The following NRDE2 variants were observed in gnomAD, a reference collection of about 807,000 sequenced individuals.
NRDE2 encodes the protein NRDE-2, necessary for RNA interference, domain containing.
NRDE2 carries 76 observed loss-of-function variants against 124.2 expected under a neutral mutation model. The observed-to-expected ratio is 0.61, with a 90% CI of 0.51 to 0.74. The LOEUF is 0.74. Ranked by LOEUF, NRDE2 falls within the 30% of genes least tolerant of loss-of-function variation. The pLI, the probability that NRDE2 is intolerant of heterozygous loss-of-function variation, is 0.00. For synonymous variants in NRDE2, 489 were observed against 528.1 expected, an observed-to-expected ratio of 0.93 and a Z score of 1.01; for missense variants, 1,314 against 1,417.3, an observed-to-expected ratio of 0.93 and a Z score of 1.17.
chr14:90,290,593 A>G lies in NRDE2; in HGVS notation c.1857T>C (p.Asp619=), dbSNP rs753013630. 4.4e-5 allele frequency: 71 copies of G among 1,605,772 alleles called. No homozygotes were observed. In the East Asian group the frequency reaches 1.6e-3, roughly 36 times the overall value. ...EDPERQVLFD[D]IGQSLIRLSS... The stretch of plus-strand genomic sequence containing the variant: ...AAAGTCTGATCAAAGATTGCCCAAT[A>G]TCATCAAACAACACCTGCAACAAAG... The change falls in exon 10 of 14, where the codon GAT becomes GAC. Residue 619 remains aspartate (D), a synonymous_variant. Coordinates refer to ENST00000354366, the MANE Select transcript of NRDE2 (RefSeq NM_017970.4).
At position 90,288,661 on chromosome 14, in the gene NRDE2, C is replaced by T; in HGVS notation, c.2714G>A (p.Ser905Asn). The change falls in exon 11 of 14, where the codon AGC becomes AAC. Residue 905 changes from serine to asparagine, a missense_variant. Ser to Asn is a conservative substitution (Grantham distance 46). Coordinates refer to ENST00000354366, the MANE Select transcript of NRDE2 (RefSeq NM_017970.4). ...GAAGAGCATGAAGCATTTAGCCAGG[C>T]TAATTAGGCGGCTACAGGAATCGGT... ...APTDSCSRLI[S>N]LAKCFMLFQY... 6.2e-7 allele frequency: 1 copy of T among 1,614,156 alleles called. No homozygotes were observed. Among genetic ancestry groups the T allele is most frequent in the Admixed American group, 1.7e-5 (1 of 60,026 alleles).
chr14:90,309,472 CAAAA>C (rs746289824), intron 4 of NRDE2, among the ~76,000 whole-genome samples: 1 of 110,752 alleles, frequency 9.0e-6, no homozygotes, highest in African/African-American at 3.6e-5. Context: ...GACTCTGTCT[CAAAA>C]AAAAAAAAAA....
Position 90,270,373 on chromosome 14 carries a change from G to A in NRDE2, c.*7963C>T. ...TCAAGGTGAGAGCCTAGCCGTGTCA[G>A]CTTATTTCTGGGAATGTGGCCGTCA... On this transcript the variant is annotated 3_prime_UTR_variant, in exon 14 of 14. Transcript: ENST00000354366. 1.2e-6 allele frequency: 2 copies of A among 1,603,794 alleles called. No homozygotes were observed. The highest frequency in any genetic ancestry group is 8.5e-7 in the Non-Finnish European group (1 of 1,175,100).
At chr14:90,287,852 G>C (rs1385727064) in intron 11 of NRDE2, among the ~76,000 whole-genome samples, 1 of 152,122 alleles carries the variant, frequency 6.6e-6, no homozygotes, top group Non-Finnish European at 1.5e-5. Context: ...GCCGAGAAGA[G>C]CTGGCACTGG....
chr14:90,288,982 T>C lies in NRDE2; in HGVS notation c.2393A>G (p.Asp798Gly), dbSNP rs1442213354. ...HLEWLLGNTE[D>G]ARKVFDTALG... ...TGCTGTGTCAAAAACTTTTCTGGCA[T>C]CCTCCGTGTTGCCAAGCAACCACTC... The change falls in exon 11 of 14, where the codon GAT becomes GGT. Residue 798 changes from aspartate to glycine, a missense_variant. Asp to Gly is a moderately conservative substitution (Grantham distance 94). Transcript: ENST00000354366. The C allele has an allele frequency of 1.2e-6, 2 of 1,613,168 alleles. No individual in the cohort carries two copies. Among genetic ancestry groups the C allele is most frequent in the South Asian group, 2.2e-5 (2 of 91,062 alleles).
intron 3 of NRDE2, among the ~76,000 whole-genome samples, chr14:90,314,628 G>A (rs76854164): frequency 6.6e-6 from 1 of 152,128 alleles, no homozygotes; most frequent in African/African-American, 2.4e-5. Context: ...GTAGCTAGAA[G>A]TTGAGTTTTG....
Position 90,316,671 on chromosome 14 carries a change from G to T in NRDE2, c.314C>A (p.Ser105Ter), listed in dbSNP as rs371333350. 6.2e-7 allele frequency: 1 copy of T among 1,614,056 alleles called. No homozygotes were observed. The change falls in exon 3 of 14, where the codon TCG (serine) becomes TAG (stop). Residue 105 changes from serine to a stop codon, truncating the protein, a stop_gained. Transcript: ENST00000354366. LOFTEE classifies it high-confidence loss of function. Reference sequence around the variant, plus strand: ...GTCTGTCTCAGACCTGCTGCTACTCGACGGCCCATGCTTCCTCTTTGTTTT... The same window carrying T: ...GTCTGTCTCAGACCTGCTGCTACTCTACGGCCCATGCTTCCTCTTTGTTTT... ...HKKTKRKHGPSSSSRSETDTD... is the reference protein window; with the variant it reads ...HKKTKRKHGP
chr14:90,288,195 G>A (rs930089072), intron 11 of NRDE2, 22 bp downstream of exon 11: 6 of 1,598,966 alleles, frequency 3.8e-6, no homozygotes, highest in African/African-American at 1.3e-5. Flanking sequence ...CGGGGCACAC[G>A]AACAGAACGG....
At position 90,270,436 on chromosome 14, in the gene NRDE2, T is replaced by C; in HGVS notation, c.*7900A>G. 6.8e-7 allele frequency: 1 copy of C among 1,468,412 alleles called. No individual in the cohort carries two copies. The highest frequency in any genetic ancestry group is 1.3e-5 in the South Asian group (1 of 75,826). The allele number at this position is 1,468,412 out of a possible 1,614,324, so 91.0% of individuals were successfully genotyped here. ...TCTATATGTGCTCTTGGGATGGTGG[T>C]TGGCCTGGACAGGTGGGTGTCTGTA... On this transcript the variant is annotated 3_prime_UTR_variant, in exon 14 of 14. Coordinates refer to ENST00000354366, the MANE Select transcript of NRDE2 (RefSeq NM_017970.4).
At chr14:90,301,427 G>A in intron 6 of NRDE2, 55 bp from the exon 7 acceptor site, 1 of 1,566,580 alleles carries the variant, frequency 6.4e-7, no homozygotes, top group Non-Finnish European at 8.7e-7. Flanking sequence ...TAAAGGGAAA[G>A]AACCTAACTT....
Position 90,270,166 on chromosome 14 carries a change from T to C in NRDE2, c.*8170A>G. On this transcript the variant is annotated 3_prime_UTR_variant, in exon 14 of 14. Transcript: ENST00000354366. ...CATGGCCGAGCCTGGGTTTGGATGT[T>C]GGTGTGACTTCAAATCTCTTTGTAC... 1 of 1,608,442 alleles carries C rather than the reference T, an allele frequency of 6.2e-7. No individual in the cohort carries two copies. Among genetic ancestry groups the C allele is most frequent in the Non-Finnish European group, 8.5e-7 (1 of 1,175,774 alleles).
chr14:90,278,601 TTTC>T, intron 13 of NRDE2, 140 bp from the exon 14 acceptor site: 1 of 1,032,760 alleles, frequency 9.7e-7, no homozygotes, highest in Non-Finnish European at 1.4e-6. Flanking sequence ...TGGCTGAGAC[TTTC>T]TTAACTCGGG....
chr14:90,282,960 G>A (rs1001114404), intron 12 of NRDE2, among the ~76,000 whole-genome samples: 2 of 152,196 alleles, frequency 1.3e-5, no homozygotes, highest in Non-Finnish European at 2.9e-5. Flanking sequence ...CATGCATGTT[G>A]CAAGAGTATA....
rs1249451664 is a variant in NRDE2 at position 90,303,074 on chromosome 14, C to T, written c.1057G>A (p.Glu353Lys). The part of the protein sequence containing the change: ...GLYAIEEGEQ[E>K]KRKRSLKLIL... Reference sequence around the variant, plus strand: ...AGCTTCAGGGACCTCTTTCGCTTTTCCTGCTCTCCTTCCTCGATGGCATAC... The same window carrying T: ...AGCTTCAGGGACCTCTTTCGCTTTTTCTGCTCTCCTTCCTCGATGGCATAC... The change falls in exon 6 of 14, where the codon GAA (glutamate) becomes AAA (lysine). Residue 353 changes from glutamate (E) to lysine (K), a missense_variant. Glu to Lys is a moderately conservative substitution (Grantham distance 56, BLOSUM62 1). Coordinates refer to ENST00000354366, the MANE Select transcript of NRDE2 (RefSeq NM_017970.4). 2 of 1,614,020 alleles carry T rather than the reference C, an allele frequency of 1.2e-6. No individual in the cohort carries two copies. The highest frequency in any genetic ancestry group is 3.3e-5 in the Admixed American group (2 of 60,028).
intron 1 of NRDE2, 149 bp downstream of exon 1, chr14:90,331,692 T>A: frequency 1.2e-6 from 1 of 848,404 alleles, no homozygotes; most frequent in Non-Finnish European, 1.9e-6. Context: ...CTCGGAGGGA[T>A]TGAGCCTTTC....
chr14:90,278,920 T>C (rs1891876290), intron 13 of NRDE2, 142 bp downstream of exon 13: 1 of 690,340 alleles, frequency 1.4e-6, no homozygotes, highest in East Asian at 2.5e-5. Flanking sequence ...GAAAAGGCTC[T>C]GGATGTACCT....
At chr14:90,311,851 G>A (rs1234288282) in intron 4 of NRDE2, among the ~76,000 whole-genome samples, 1 of 152,094 alleles carries the variant, frequency 6.6e-6, no homozygotes, top group East Asian at 1.9e-4. Context: ...GGTCTAAAGG[G>A]TTTAGTAAGT....
rs1252212015 is a variant in NRDE2 at position 90,274,786 on chromosome 14, CTACACACA to C, written c.*3542_*3549del. ...ACAGTATAGCCCTTTAAATAGGGAA[CTACACACA>C]CACACACACACACACACACACACAC... On this transcript the variant is annotated 3_prime_UTR_variant, in exon 14 of 14. Transcript: ENST00000354366. 4 of 81,644 alleles carry C rather than the reference CTACACACA, an allele frequency of 4.9e-5. No individual in the cohort carries two copies. The highest frequency in any genetic ancestry group is 1.4e-4 in the Admixed American group (1 of 7,228). The allele number at this position is 81,644 out of a possible 1,614,324, so 5.1% of individuals were successfully genotyped here.
chr14:90,291,000 T>G (rs1432202224), intron 9 of NRDE2, among the ~76,000 whole-genome samples: 1 of 152,242 alleles, frequency 6.6e-6, no homozygotes, highest in Non-Finnish European at 1.5e-5. Flanking sequence ...AAATTTGTAT[T>G]GTAAGATGGA....
Sources: allele counts gnomAD v4.1 joint callset (sites outside exome capture counted in the v4.1 genomes callset), GRCh38; gene constraint gnomAD v4.1.1; transcripts MANE v1.5; gene names NCBI Gene and HGNC (gene_info 2026-07-23, HGNC 2026-07-21).